Variants in DRC4 observed in about 807,000 individuals in gnomAD.
DRC4 encodes dynein regulatory complex subunit 4.
the DRC4 span, chr16:90,044,749 G>C: frequency 7.6e-6 from 3 of 392,788 alleles, no homozygotes; most frequent in South Asian, 1.9e-5. Flanking sequence ...AGCAGACACA[G>C]TGAGGCTGTT....
At chr16:90,021,875 A>AAAAAGC in the DRC4 span, among the ~76,000 whole-genome samples, 1 of 55,418 alleles carries the variant, frequency 1.8e-5, no homozygotes, top group African/African-American at 7.6e-5. Context: ...AAAAAAAAAA[A>AAAAAGC]AGCACCTGTT....
chr16:90,040,030 C>G, the DRC4 span: 1 of 497,866 alleles, frequency 2.0e-6, no homozygotes, highest in Non-Finnish European at 3.7e-6. Context: ...TGCTTCAGCT[C>G]TTACCAGGAC....
chr16:90,027,089 CTTT>C, the DRC4 span, among the ~76,000 whole-genome samples: 2 of 133,558 alleles, frequency 1.5e-5, no homozygotes, highest in Non-Finnish European at 1.6e-5. Flanking sequence ...GGTTTCCTCT[CTTT>C]TTTTTTTTTT....
the DRC4 span, chr16:90,028,968 C>G: frequency 7.7e-7 from 1 of 1,304,454 alleles, no homozygotes; most frequent in South Asian, 1.2e-5. Flanking sequence ...AAGCCAGTGG[C>G]TAAGCAGAGA....
chr16:90,020,103 T>C, the DRC4 span: 5 of 615,164 alleles, frequency 8.1e-6, no homozygotes, highest in Admixed American at 1.3e-4. Flanking sequence ...TTCACTTCCC[T>C]CCACTGCTGG....
At chr16:90,020,955 C>G in the DRC4 span, 1 of 152,266 alleles carries the variant, frequency 6.6e-6, no homozygotes, top group Admixed American at 6.5e-5. Flanking sequence ...TGCTCTCCAG[C>G]GTCACTGTCT....
chr16:90,026,255 C>A, the DRC4 span, among the ~76,000 whole-genome samples: 1 of 152,174 alleles, frequency 6.6e-6, no homozygotes, highest in African/African-American at 2.4e-5. Context: ...CCAGACAGAA[C>A]TGCTCCTGGT....
the DRC4 span, among the ~76,000 whole-genome samples, chr16:90,041,753 C>T: frequency 3.3e-5 from 5 of 152,044 alleles, no homozygotes; most frequent in South Asian, 2.1e-4. Context: ...GAGCCTAGAT[C>T]GCGCCACTGC....
chr16:90,042,266 A>G, the DRC4 span: 2 of 620,356 alleles, frequency 3.2e-6, no homozygotes, highest in Non-Finnish European at 3.0e-6. Flanking sequence ...AGGTTGTGCA[A>G]GCTCCCAGTT....
chr16:90,044,031 C>T, the DRC4 span: 1 of 433,264 alleles, frequency 2.3e-6, no homozygotes, highest in Non-Finnish European at 4.7e-6. Context: ...GGGATAGCAG[C>T]AAACCACCTA....
chr16:90,036,495 T>TG, the DRC4 span: 1 of 1,614,018 alleles, frequency 6.2e-7, no homozygotes, highest in African/African-American at 1.3e-5. Flanking sequence ...ATCCACACGC[T>TG]GATGCAGCGC....
the DRC4 span, chr16:90,036,343 C>G: frequency 6.4e-7 from 1 of 1,551,650 alleles, no homozygotes; most frequent in Non-Finnish European, 8.8e-7. Context: ...GGCACCACGT[C>G]TTCCTCTGCT....
the DRC4 span, chr16:90,037,909 G>C: frequency 4.1e-6 from 6 of 1,451,508 alleles, no homozygotes; most frequent in Non-Finnish European, 5.8e-6. Flanking sequence ...GGTTCACCAA[G>C]TTCACCAAGG....
At chr16:90,036,372 G>A in the DRC4 span, 2 of 1,595,018 alleles carry the variant, frequency 1.3e-6, no homozygotes, top group Non-Finnish European at 1.7e-6. Flanking sequence ...GTTTGCTGCT[G>A]CCTTTCAGAA....
chr16:90,043,980 T>C, the DRC4 span: 1 of 416,700 alleles, frequency 2.4e-6, no homozygotes, highest in Admixed American at 3.1e-5. Context: ...CTGGTGATGG[T>C]TAAAACAACC....
At chr16:90,027,955 T>C in the DRC4 span, 1 of 531,462 alleles carries the variant, frequency 1.9e-6, no homozygotes, top group Non-Finnish European at 3.4e-6. Context: ...GGTAGGAGTG[T>C]GGAAGGACAT....
chr16:90,022,013 G>T, the DRC4 span: 1 of 151,904 alleles, frequency 6.6e-6, no homozygotes, highest in African/African-American at 2.4e-5. Context: ...AGATTAGTTA[G>T]AAAAGGAAAG....
At chr16:90,033,156 C>G in the DRC4 span, among the ~76,000 whole-genome samples, 1 of 152,274 alleles carries the variant, frequency 6.6e-6, no homozygotes. Flanking sequence ...ATTGACGTCA[C>G]CGAAGAGAAA....
the DRC4 span, chr16:90,022,729 G>GC: frequency 7.1e-7 from 1 of 1,417,052 alleles, no homozygotes; most frequent in Middle Eastern, 2.6e-4. Flanking sequence ...GTCATGGTGA[G>GC]CAGGGGCGGG....
Sources: allele counts gnomAD v4.1 joint callset (sites outside exome capture counted in the v4.1 genomes callset), GRCh38; gene constraint gnomAD v4.1.1; transcripts MANE v1.5; gene names NCBI Gene and HGNC (gene_info 2026-07-23, HGNC 2026-07-21).